Variants in CSMD1 observed in about 807,000 individuals in gnomAD.
The protein encoded by CSMD1 is CUB and Sushi multiple domains 1.
A neutral mutation model predicts 417.5 loss-of-function variants in CSMD1; 213 were observed. That is an observed-to-expected ratio of 0.51 (90% confidence interval 0.46 to 0.57). The LOEUF (loss-of-function observed/expected upper bound fraction) is 0.57, where lower values mean the gene tolerates loss of function less well. Among genes scored for constraint, CSMD1 ranks in the 20% least tolerant of loss-of-function variants. CSMD1 has a pLI of 0.00. For missense variants in CSMD1, 6,923 were observed against 4,529.7 expected (o/e 1.53, Z -15.17); for synonymous variants, 2,862 against 1,736.8 (o/e 1.65, Z -16.11).
chr8:4,699,599 G>C (rs1488616215), intron 1 of CSMD1, among the ~76,000 whole-genome samples: 1 of 152,084 alleles, frequency 6.6e-6, no homozygotes, highest in Non-Finnish European at 1.5e-5. Flanking sequence ...ATAAACATCA[G>C]AGCTCTTGGC....
chr8:3,980,806 G>A (rs1045836136), intron 5 of CSMD1, among the ~76,000 whole-genome samples: 1 of 152,062 alleles, frequency 6.6e-6, no homozygotes, highest in African/African-American at 2.4e-5. Context: ...CATACCCCTT[G>A]GCCAACCACT....
At chr8:4,776,319 A>G (rs1288073207) in intron 1 of CSMD1, among the ~76,000 whole-genome samples, 1 of 152,212 alleles carries the variant, frequency 6.6e-6, no homozygotes, top group East Asian at 1.9e-4. Flanking sequence ...GCTAGTTTTA[A>G]TATTAATATG....
chr8:3,714,532 G>A (rs368724839), intron 6 of CSMD1, among the ~76,000 whole-genome samples: 299 of 107,100 alleles, frequency 2.8e-3, no homozygotes, highest in African/African-American at 0.01. Context: ...CAGCAGCCTG[G>A]CCAACATGGC....
intron 3 of CSMD1, among the ~76,000 whole-genome samples, chr8:4,275,760 T>C (rs983408056): frequency 6.6e-6 from 1 of 152,198 alleles, no homozygotes; most frequent in Non-Finnish European, 1.5e-5. Flanking sequence ...CAAAACACTT[T>C]AGTCACAGAA....
At chr8:3,199,058 T>C (rs1473869539) in intron 33 of CSMD1, among the ~76,000 whole-genome samples, 1 of 152,200 alleles carries the variant, frequency 6.6e-6, no homozygotes, top group African/African-American at 2.4e-5. Context: ...ACAGTTTATG[T>C]GGTCATTTTT....
At chr8:4,043,355 C>G (rs906691605) in intron 3 of CSMD1, among the ~76,000 whole-genome samples, 1 of 152,022 alleles carries the variant, frequency 6.6e-6, no homozygotes, top group African/African-American at 2.4e-5. Context: ...ACAAAGCAAA[C>G]TGCAAGGTGG....
chr8:4,302,976 C>G (rs996497866), intron 3 of CSMD1, among the ~76,000 whole-genome samples: 38 of 152,022 alleles, frequency 2.5e-4, no homozygotes, highest in Admixed American at 2.4e-3. Flanking sequence ...AGAAGTTCAG[C>G]CCTCTGTATA....
intron 1 of CSMD1, among the ~76,000 whole-genome samples, chr8:4,748,632 G>C (rs1008591250): frequency 1.3e-5 from 2 of 152,170 alleles, no homozygotes; most frequent in African/African-American, 4.8e-5. Context: ...ATTATTTATT[G>C]ACTGGAATGT....
At chr8:4,171,816 T>C (rs769429783) in intron 3 of CSMD1, among the ~76,000 whole-genome samples, 45 of 152,302 alleles carry the variant, frequency 3.0e-4, no homozygotes, top group Non-Finnish European at 5.7e-4. Context: ...AGACAAATCA[T>C]CTAAATCCCA....
intron 3 of CSMD1, among the ~76,000 whole-genome samples, chr8:4,364,417 A>G (rs1353865527): frequency 1.3e-5 from 2 of 152,192 alleles, no homozygotes; most frequent in African/African-American, 2.4e-5. Context: ...GCCCTAGTCC[A>G]TACAAGATTC....
intron 9 of CSMD1, among the ~76,000 whole-genome samples, chr8:3,584,193 T>C (rs2116988715): frequency 6.6e-6 from 1 of 152,264 alleles, no homozygotes; most frequent in African/African-American, 2.4e-5. Flanking sequence ...AAAGTATATC[T>C]AACTTAAGCA....
At chr8:3,041,218 A>T (rs1811068871) in intron 50 of CSMD1, among the ~76,000 whole-genome samples, 1 of 152,170 alleles carries the variant, frequency 6.6e-6, no homozygotes, top group Non-Finnish European at 1.5e-5. Flanking sequence ...TAATTTAGAA[A>T]ATTCTCAAAT....
At chr8:3,898,843 C>G (rs1019373948) in intron 5 of CSMD1, among the ~76,000 whole-genome samples, 2 of 152,162 alleles carry the variant, frequency 1.3e-5, no homozygotes, top group Non-Finnish European at 1.5e-5. Context: ...ATTGATTTCT[C>G]AGGACATAGC....
intron 5 of CSMD1, among the ~76,000 whole-genome samples, chr8:3,943,611 C>G (rs1354965820): frequency 2.0e-5 from 3 of 151,570 alleles, no homozygotes; most frequent in South Asian, 2.1e-4. Flanking sequence ...GCTGGTAAAC[C>G]CCATGTAACC....
At chr8:4,346,142 A>C (rs1458299195) in intron 3 of CSMD1, among the ~76,000 whole-genome samples, 1 of 152,030 alleles carries the variant, frequency 6.6e-6, no homozygotes, top group East Asian at 1.9e-4. Context: ...TCTACTCCAA[A>C]CTCTCCATGC....
At chr8:2,965,400 C>T (rs1019808272) in intron 59 of CSMD1, among the ~76,000 whole-genome samples, 1 of 152,168 alleles carries the variant, frequency 6.6e-6, no homozygotes, top group Non-Finnish European at 1.5e-5. Context: ...CAACCTGCCT[C>T]TAAATTCCTA....
chr8:4,006,242 G>A (rs1327148606), intron 4 of CSMD1, among the ~76,000 whole-genome samples: 2 of 152,182 alleles, frequency 1.3e-5, no homozygotes, highest in South Asian at 2.1e-4. Flanking sequence ...GTGCGCAGGA[G>A]TAAGGATCAT....
At chr8:3,652,692 G>A (rs546013816) in intron 7 of CSMD1, among the ~76,000 whole-genome samples, 2 of 152,266 alleles carry the variant, frequency 1.3e-5, no homozygotes, top group South Asian at 2.1e-4. Context: ...GGGGGAAACT[G>A]CCCATGTGAT....
At chr8:4,237,636 C>T (rs114865695) in intron 3 of CSMD1, among the ~76,000 whole-genome samples, 8 of 152,018 alleles carry the variant, frequency 5.3e-5, no homozygotes, top group African/African-American at 1.9e-4. Flanking sequence ...CTGCCTCACC[C>T]TTTCTAGTAG....
Sources: gnomAD v4.1 joint callset for allele counts (sites outside exome capture counted in the v4.1 genomes callset) on GRCh38, gnomAD v4.1.1 for gene constraint, MANE v1.5 for transcripts, NCBI Gene and HGNC (gene_info 2026-07-23, HGNC 2026-07-21) for gene names.